MED13: variants seen among roughly 807,000 people sequenced by gnomAD.
MED13 encodes mediator complex subunit 13, also known as mediator of RNA polymerase II transcription subunit 13.
MED13 carries 23 observed loss-of-function variants against 225.2 expected under a neutral mutation model. The observed-to-expected ratio is 0.10, with a 90% confidence interval of 0.07 to 0.14. MED13 has a LOEUF of 0.14. Ranked by LOEUF, MED13 falls within the 10% of genes least tolerant of loss-of-function variation. The probability of loss-of-function intolerance (pLI) is 1.00; values close to 1 mark genes in which losing one functional copy is unlikely to be tolerated. For synonymous variants in MED13, 942 were observed against 889.2 expected, an observed-to-expected ratio of 1.06 and a Z score of -1.06; for missense variants, 2,197 against 2,594.5, an observed-to-expected ratio of 0.85 and a Z score of 3.33.
chr17:61,974,800 A>C (rs772598434), intron 16 of MED13, among the ~76,000 whole-genome samples: 1 of 152,192 alleles, frequency 6.6e-6, no homozygotes, highest in Non-Finnish European at 1.5e-5. Context: ...AGATCTAAAT[A>C]TAAGAGCTAA....
chr17:61,966,307 C>G (rs1240904061), intron 19 of MED13, among the ~76,000 whole-genome samples, 155 bp downstream of exon 19: 1 of 152,198 alleles, frequency 6.6e-6, no homozygotes, highest in Non-Finnish European at 1.5e-5. Context: ...TCTATGAAAA[C>G]TACTCAGCTC....
intron 8 of MED13, among the ~76,000 whole-genome samples, chr17:62,028,454 T>C (rs1002931465): frequency 6.6e-6 from 1 of 152,066 alleles, no homozygotes; most frequent in South Asian, 2.1e-4. Context: ...CTAGGCTTAG[T>C]ATCTGAGTGA....
chr17:61,963,686 ATT>A (rs1157864854), intron 20 of MED13, among the ~76,000 whole-genome samples: 1 of 152,012 alleles, frequency 6.6e-6, no homozygotes, highest in African/African-American at 2.4e-5. Context: ...GGGTGATTTG[ATT>A]TTTTTACACT....
In MED13 at chr17:62,029,492, C is replaced by T. The variant is rs374382538; in HGVS notation, c.1283+49G>A. ...TAAAGTGGGCATAAGCATTCAGTGG[C>T]GTAACAAACTATCACACATAGGCAT... On this transcript the variant is annotated intron_variant, in intron 8 of 29. Coordinates refer to ENST00000397786, the MANE Select transcript of MED13 (RefSeq NM_005121.3). 21 of 1,372,588 alleles carry T rather than the reference C, an allele frequency of 1.5e-5. 1 individual carries two copies. Among genetic ancestry groups the T allele is most frequent in the Admixed American group, 1.7e-5 (1 of 58,398 alleles). 85.0% of individuals were successfully genotyped at this position (1,372,588 alleles called of 1,614,324 possible). A position where few individuals can be genotyped will look rare whatever the true frequency, so the allele number is the denominator to read the frequency against.
At chr17:61,948,861 C>A (rs371968731) in intron 28 of MED13, among the ~76,000 whole-genome samples, 19 of 150,908 alleles carry the variant, frequency 1.3e-4, no homozygotes, top group African/African-American at 4.1e-4. Flanking sequence ...CCGAGGCGGG[C>A]GGATCACGAG....
chr17:62,031,186 C>T (rs182193969), intron 6 of MED13: 30 of 306,682 alleles, frequency 9.8e-5, no homozygotes, highest in Non-Finnish European at 1.6e-4. Flanking sequence ...ACTGAGTACA[C>T]AGGAGTGATG....
At chr17:62,058,538 A>AAG (rs2081013514) in intron 2 of MED13, among the ~76,000 whole-genome samples, 2 of 150,910 alleles carry the variant, frequency 1.3e-5, no homozygotes, top group African/African-American at 4.9e-5. Flanking sequence ...AAAAAAAAAA[A>AAG]AAAAGAAAGA....
At chr17:61,978,454 G>T (rs958985941) in intron 16 of MED13, among the ~76,000 whole-genome samples, 1 of 152,150 alleles carries the variant, frequency 6.6e-6, no homozygotes, top group African/African-American at 2.4e-5. Flanking sequence ...GTTTCACTAG[G>T]TTGGTCAGGC....
intron 9 of MED13, among the ~76,000 whole-genome samples, chr17:62,002,489 CAAAA>C (rs35736875): frequency 0.082 from 4,139 of 50,604 alleles, 89 homozygotes; most frequent in African/African-American, 0.12. Context: ...AACTCCATCT[CAAAA>C]AAAAAAAAAA....
intron 16 of MED13, 34 bp downstream of exon 16, chr17:61,982,164 G>C: frequency 6.4e-7 from 1 of 1,553,610 alleles, no homozygotes; most frequent in South Asian, 1.2e-5. Context: ...AGGGAAATAA[G>C]CAAACAAAAA....
At chr17:62,003,724 CTT>C (rs993782692) in intron 9 of MED13, 2 of 147,884 alleles carry the variant, frequency 1.4e-5, no homozygotes, top group East Asian at 2.2e-4. Flanking sequence ...TTTATTCAAT[CTT>C]TTTTTTCCCT....
intron 9 of MED13, among the ~76,000 whole-genome samples, chr17:62,000,506 C>T (rs2080385474): frequency 6.6e-6 from 1 of 152,136 alleles, no homozygotes; most frequent in Non-Finnish European, 1.5e-5. Context: ...GATGAAAAGC[C>T]TAAGTATCAA....
At chr17:62,003,304 T>A (rs2080413368) in intron 9 of MED13, among the ~76,000 whole-genome samples, 1 of 152,042 alleles carries the variant, frequency 6.6e-6, no homozygotes, top group African/African-American at 2.4e-5. Context: ...AAACAAGGCT[T>A]ATATCTAAAA....
intron 1 of MED13, among the ~76,000 whole-genome samples, 168 bp downstream of exon 1, chr17:62,064,972 G>A (rs2081069752): frequency 1.3e-5 from 2 of 152,206 alleles, no homozygotes; most frequent in South Asian, 4.1e-4. Flanking sequence ...CCGTAGGAGA[G>A]CGAACGCCGC....
chr17:61,987,947 T>C (rs1415049760), intron 11 of MED13, among the ~76,000 whole-genome samples: 1 of 152,050 alleles, frequency 6.6e-6, no homozygotes, highest in African/African-American at 2.4e-5. Context: ...TTTGCCATAT[T>C]GCCCAGACTG....
Position 61,982,089 on chromosome 17 carries a change from C to T in MED13, c.3805+109G>A, listed in dbSNP as rs749905723. On this transcript the variant is annotated intron_variant, in intron 16 of 29. Transcript: ENST00000397786. Reference sequence around the variant, plus strand: ...CATCATCCATAAAGAGTTTTAAGTCCAACTTTAAATGTATTTGCCACATGG... The same window carrying T: ...CATCATCCATAAAGAGTTTTAAGTCTAACTTTAAATGTATTTGCCACATGG... The T allele has an allele frequency of 1.7e-4, 181 of 1,064,624 alleles. 1 individual carries two copies. The highest frequency in any genetic ancestry group is 2.4e-4 in the Non-Finnish European group (176 of 747,900). The allele number at this position is 1,064,624 out of a possible 1,614,324, so 65.9% of individuals were successfully genotyped here. A position where few individuals can be genotyped will look rare whatever the true frequency, so the allele number is the denominator to read the frequency against.
Position 61,950,924 on chromosome 17 carries a change from G to A in MED13, c.6192C>T (p.Ala2064=). 1 of 1,613,932 alleles carries A rather than the reference G, an allele frequency of 6.2e-7. No individual in the cohort carries two copies. Among genetic ancestry groups the A allele is most frequent in the Non-Finnish European group, 8.5e-7 (1 of 1,179,902 alleles). ...TGGCAGTTGATACAAAGTAACCAAG[G>A]GCCAATGGTTGCTGAAGAATATTAG... is the stretch of plus-strand genomic sequence containing the variant. ...EVPNILQQPL[A]LGYFVSTAKA... Residue 2064 remains alanine, a synonymous_variant, in exon 28 of 30, where the codon GCC becomes GCT. Coordinates refer to ENST00000397786, the MANE Select transcript of MED13 (RefSeq NM_005121.3).
chr17:61,984,459 T>A (rs2080231551), intron 14 of MED13, 92 bp from the exon 15 acceptor site: 2 of 1,048,006 alleles, frequency 1.9e-6, no homozygotes, highest in Non-Finnish European at 1.3e-6. Flanking sequence ...TTTCCTTTCT[T>A]TAAACAGAAT....
chr17:61,949,566 C>A (rs2079879565), intron 28 of MED13, among the ~76,000 whole-genome samples: 1 of 152,034 alleles, frequency 6.6e-6, no homozygotes, highest in Admixed American at 6.5e-5. Flanking sequence ...CTGAGAGTCT[C>A]ATTACTGTAT....
Sources: allele counts gnomAD v4.1 joint callset (sites outside exome capture counted in the v4.1 genomes callset), GRCh38; gene constraint gnomAD v4.1.1; transcripts MANE v1.5; gene names NCBI Gene and HGNC (gene_info 2026-07-23, HGNC 2026-07-21).